The following STPG2 variants were observed in gnomAD, a reference collection of about 807,000 sequenced individuals.
STPG2 encodes sperm tail PG-rich repeat containing 2, also known as sperm-tail PG-rich repeat-containing protein 2.
In STPG2, 56 loss-of-function variants were observed where a neutral mutation model predicts 54.2. The observed-to-expected ratio is 1.03, with a 90% confidence interval of 0.83 to 1.29. The LOEUF (loss-of-function observed/expected upper bound fraction) is 1.29, where lower values mean the gene tolerates loss of function less well. Among genes scored for constraint, STPG2 ranks in the 50% most tolerant of loss-of-function variants. The pLI is 0.00. For synonymous variants in STPG2, 200 were observed against 181.8 expected (o/e 1.10, Z -0.81); for missense variants, 596 against 544.9 (o/e 1.09, Z -0.93).
chr4:97,780,158 C>T (rs973937155), intron 9 of STPG2, among the ~76,000 whole-genome samples: 6 of 103,332 alleles, frequency 5.8e-5, no homozygotes, highest in Non-Finnish European at 1.2e-4. Context: ...GAGTCAAGAC[C>T]CATCAGTGTG....
chr4:97,908,467 G>C (rs1226811012), intron 8 of STPG2, among the ~76,000 whole-genome samples: 3 of 150,242 alleles, frequency 2.0e-5, no homozygotes, highest in South Asian at 2.1e-4. Flanking sequence ...CGATTCCTCA[G>C]GGATCTAGAA....
chr4:97,935,960 C>T (rs1386667414), intron 8 of STPG2, among the ~76,000 whole-genome samples: 12 of 151,632 alleles, frequency 7.9e-5, no homozygotes. Flanking sequence ...GATGATCTGT[C>T]TAATGTTTAC....
intron 10 of STPG2, among the ~76,000 whole-genome samples, chr4:97,703,891 A>T (rs2149000030): frequency 6.6e-6 from 1 of 151,586 alleles, no homozygotes; most frequent in African/African-American, 2.4e-5. Context: ...GGCTGTCTGC[A>T]AACTGAGGAG....
chr4:97,469,614 C>T (rs544144539), intron 4 of STPG2, among the ~76,000 whole-genome samples: 3 of 151,940 alleles, frequency 2.0e-5, no homozygotes, highest in Non-Finnish European at 2.9e-5. Context: ...GAGCGGCAGT[C>T]GTACATTTGC....
At chr4:98,078,734 T>G (rs1323491249) in intron 5 of STPG2, among the ~76,000 whole-genome samples, 1 of 152,098 alleles carries the variant, frequency 6.6e-6, no homozygotes, top group Non-Finnish European at 1.5e-5. Flanking sequence ...AAATAGACAA[T>G]CTTTCAAAAG....
At chr4:98,088,672 G>T (rs1452474406) in intron 5 of STPG2, among the ~76,000 whole-genome samples, 5 of 125,376 alleles carry the variant, frequency 4.0e-5, no homozygotes, top group East Asian at 2.4e-4. Context: ...TCCTTTAGGG[G>T]AAAAAAAAAA....
At chr4:97,444,494 CAAAG>C (rs1729169630) in intron 4 of STPG2, among the ~76,000 whole-genome samples, 2 of 152,190 alleles carry the variant, frequency 1.3e-5, no homozygotes, top group Admixed American at 1.3e-4. Flanking sequence ...TGTAAATGCT[CAAAG>C]AAAATATGCC....
chr4:97,876,879 G>A (rs1730190920), intron 8 of STPG2, among the ~76,000 whole-genome samples: 1 of 151,818 alleles, frequency 6.6e-6, no homozygotes, highest in South Asian at 2.1e-4. Context: ...GAAAAAATTT[G>A]GACCATGTCA....
intron 8 of STPG2, among the ~76,000 whole-genome samples, chr4:97,885,636 A>G (rs752404366): frequency 1.2e-4 from 18 of 152,190 alleles, no homozygotes; most frequent in Non-Finnish European, 2.1e-4. Flanking sequence ...TCATATATAC[A>G]CAGATTTTTT....
intron 9 of STPG2, among the ~76,000 whole-genome samples, chr4:97,837,891 C>A (rs1728678265): frequency 6.6e-6 from 1 of 151,532 alleles, no homozygotes; most frequent in Non-Finnish European, 1.5e-5. Context: ...AACTTCAGTT[C>A]TTAACACTTT....
chr4:97,666,014 A>G lies in STPG2; in HGVS notation c.1320+46685T>C, dbSNP rs115943588. 5.0e-3 allele frequency among the ~76,000 whole-genome samples: 761 copies of G among 152,236 alleles called. 7 individuals are homozygous for G. The highest frequency in any genetic ancestry group is 0.017 in the African/African-American group (714 of 41,552). The stretch of plus-strand genomic sequence containing the variant: ...TAGGGGAGGCCTTCCTGGGCTCCCA[A>G]GAGTGCAGAGATGTCTGTGTCTGCA... On this transcript the variant is annotated intron_variant, in intron 10 of 10. Coordinates refer to ENST00000295268, the MANE Select transcript of STPG2 (RefSeq NM_174952.3).
intron 6 of STPG2, among the ~76,000 whole-genome samples, chr4:97,980,569 T>G (rs549682030): frequency 2.6e-5 from 4 of 152,310 alleles, no homozygotes; most frequent in South Asian, 2.1e-4. Flanking sequence ...TGGAGCTAAG[T>G]ACATCCTTTG....
chr4:97,628,003 TG>T (rs1734178878), intron 10 of STPG2, among the ~76,000 whole-genome samples: 1 of 152,118 alleles, frequency 6.6e-6, no homozygotes. Context: ...CCGCCCACAT[TG>T]GGGAGGGCAA....
intron 10 of STPG2, among the ~76,000 whole-genome samples, chr4:97,668,760 T>TA: frequency 1.0e-5 from 1 of 98,814 alleles, no homozygotes; most frequent in South Asian, 4.0e-4. Flanking sequence ...AAATAATGTA[T>TA]AGGATAGAGT....
intron 8 of STPG2, among the ~76,000 whole-genome samples, chr4:97,886,411 T>C (rs925324095): frequency 2.6e-5 from 4 of 152,194 alleles, no homozygotes; most frequent in Non-Finnish European, 4.4e-5. Context: ...CAGCCAATAT[T>C]ATTTTAAAGT....
intron 10 of STPG2, among the ~76,000 whole-genome samples, chr4:97,690,918 C>T (rs1412929060): frequency 6.6e-6 from 1 of 152,168 alleles, no homozygotes; most frequent in African/African-American, 2.4e-5. Context: ...CAGGTTGAAT[C>T]AATCCTCTCA....
At chr4:97,497,913 T>C (rs1441692059) in intron 4 of STPG2, among the ~76,000 whole-genome samples, 1 of 151,810 alleles carries the variant, frequency 6.6e-6, no homozygotes, top group Non-Finnish European at 1.5e-5. Flanking sequence ...TGTTATTGCC[T>C]CAATATAACT....
chr4:97,646,432 A>G (rs1721913819), intron 10 of STPG2, among the ~76,000 whole-genome samples: 1 of 152,118 alleles, frequency 6.6e-6, no homozygotes, highest in Non-Finnish European at 1.5e-5. Flanking sequence ...ATAATGTAAT[A>G]TATCCTATTA....
chr4:98,077,848 C>T (rs1322167617), intron 5 of STPG2, among the ~76,000 whole-genome samples: 2 of 152,172 alleles, frequency 1.3e-5, no homozygotes, highest in Non-Finnish European at 2.9e-5. Flanking sequence ...TCTCCTATTA[C>T]ACTTAGCTAT....
Sources: gnomAD v4.1 joint callset for allele counts (sites outside exome capture counted in the v4.1 genomes callset) on GRCh38, gnomAD v4.1.1 for gene constraint, MANE v1.5 for transcripts, NCBI Gene and HGNC (gene_info 2026-07-23, HGNC 2026-07-21) for gene names.